The following WDFY3 variants were observed in gnomAD, a reference collection of about 807,000 sequenced individuals.
WDFY3 encodes the protein WD repeat and FYVE domain containing 3.
A neutral mutation model predicts 409.6 loss-of-function variants in WDFY3; 66 were observed. The ratio of observed to expected loss-of-function variants is 0.16; its 90% CI spans 0.13 to 0.20. The LOEUF is 0.20. Among genes scored for constraint, WDFY3 ranks in the 10% least tolerant of loss-of-function variants. The pLI is 1.00. For missense variants in WDFY3, 3,031 were observed against 4,298.1 expected, an observed-to-expected ratio of 0.71 and a Z score of 8.24; for synonymous variants, 1,521 against 1,537.1, an observed-to-expected ratio of 0.99 and a Z score of 0.25.
Position 84,921,930 on chromosome 4 carries a change from C to A in WDFY3, c.-132+10340G>T, listed in dbSNP as rs538709847. ...TTGGCCTCCCAAAGTGCTGGGATCA[C>A]AGACATGAGCCACCGCACCTGGCCT... On this transcript the variant is annotated intron_variant, in intron 2 of 67. Coordinates refer to ENST00000295888, the MANE Select transcript of WDFY3 (RefSeq NM_014991.6). Among the ~76,000 whole-genome samples the A allele has an allele frequency of 2.6e-5, 4 of 151,962 alleles. No homozygotes were observed. In the East Asian group the frequency reaches 7.7e-4, roughly 29 times the overall value.
At chr4:84,856,798 A>G (rs1418874550) in intron 4 of WDFY3, among the ~76,000 whole-genome samples, 1 of 152,174 alleles carries the variant, frequency 6.6e-6, no homozygotes, top group Non-Finnish European at 1.5e-5. Flanking sequence ...CAAAGTCTCA[A>G]AAATCAACAC....
intron 2 of WDFY3, among the ~76,000 whole-genome samples, chr4:84,917,246 A>G (rs972787230): frequency 1.3e-5 from 2 of 152,300 alleles, no homozygotes; most frequent in Non-Finnish European, 1.5e-5. Flanking sequence ...CAGAAGCCTA[A>G]AAGAGGTCAG....
At chr4:84,887,058 C>T (rs936092447) in intron 3 of WDFY3, among the ~76,000 whole-genome samples, 1 of 152,122 alleles carries the variant, frequency 6.6e-6, no homozygotes, top group Non-Finnish European at 1.5e-5. Context: ...TGGTACATAT[C>T]AACAACCTGG....
intron 2 of WDFY3, among the ~76,000 whole-genome samples, chr4:84,929,910 TAA>T (rs75325995): frequency 2.9e-5 from 4 of 140,236 alleles, no homozygotes; most frequent in Admixed American, 7.2e-5. Context: ...AAACTTCGCT[TAA>T]AAAAAAAAAA....
chr4:84,765,413 T>C (rs1376306999), intron 32 of WDFY3, among the ~76,000 whole-genome samples: 3 of 152,200 alleles, frequency 2.0e-5, no homozygotes, highest in Non-Finnish European at 1.5e-5. Context: ...CATTTGCACC[T>C]CACAGAGTTA....
intron 10 of WDFY3, among the ~76,000 whole-genome samples, chr4:84,824,868 A>T (rs1482915328): frequency 6.6e-6 from 1 of 152,198 alleles, no homozygotes. Flanking sequence ...GAAACAGAAA[A>T]TTTTGAGTTA....
intron 46 of WDFY3, among the ~76,000 whole-genome samples, chr4:84,722,726 C>A (rs1735044422): frequency 6.6e-6 from 1 of 152,152 alleles, no homozygotes; most frequent in Non-Finnish European, 1.5e-5. Flanking sequence ...AATTAATATT[C>A]TTTGTGCCAT....
At chr4:84,699,742 T>C (rs747988648) in intron 56 of WDFY3, among the ~76,000 whole-genome samples, 1 of 152,120 alleles carries the variant, frequency 6.6e-6, no homozygotes, top group Non-Finnish European at 1.5e-5. Context: ...CACCCCATTA[T>C]GGTCATCCTA....
intron 1 of WDFY3, among the ~76,000 whole-genome samples, chr4:84,955,985 G>GA (rs1012585890): frequency 1.0e-4 from 15 of 149,838 alleles, no homozygotes; most frequent in Non-Finnish European, 1.5e-4. Flanking sequence ...GTTGTCCTTT[G>GA]AAAAAAAAAT....
At chr4:84,885,155 C>T (rs2150438832) in intron 3 of WDFY3, among the ~76,000 whole-genome samples, 1 of 152,094 alleles carries the variant, frequency 6.6e-6, no homozygotes, top group Admixed American at 6.5e-5. Context: ...CGTGCACCAC[C>T]ATGCCTGGCT....
intron 21 of WDFY3, among the ~76,000 whole-genome samples, chr4:84,792,587 G>A (rs535053925): frequency 6.6e-6 from 1 of 152,228 alleles, no homozygotes; most frequent in South Asian, 2.1e-4. Context: ...ATCTTAATGG[G>A]TTACAGCTGT....
At chr4:84,939,463 A>G (rs1174744691) in intron 1 of WDFY3, among the ~76,000 whole-genome samples, 1 of 152,128 alleles carries the variant, frequency 6.6e-6, no homozygotes, top group African/African-American at 2.4e-5. Context: ...TTTCTCCCTC[A>G]TTTAGTTATG....
In WDFY3 at chr4:84,831,475, C is replaced by T. The variant is rs768682823; in HGVS notation, c.707G>A (p.Gly236Glu). 1 of 1,614,020 alleles carries T rather than the reference C, an allele frequency of 6.2e-7. No individual in the cohort carries two copies. The highest frequency in any genetic ancestry group is 8.5e-7 in the Non-Finnish European group (1 of 1,179,980). Residue 236 changes from glycine (G) to glutamate (E), a missense_variant, in exon 8 of 68, where the codon GGA (glycine) becomes GAA (glutamate). Coordinates refer to ENST00000295888, the MANE Select transcript of WDFY3 (RefSeq NM_014991.6). Reference protein sequence around the residue: ...PYNLPWRKSAGEVLMTISRHG... With the variant: ...PYNLPWRKSAEEVLMTISRHG... ...ACGAGATATGGTCATGAGGACTTCT[C>T]CAGCACTCTTTCTCCAAGGCAGGTT...
intron 32 of WDFY3, among the ~76,000 whole-genome samples, chr4:84,762,636 T>C (rs1742864741): frequency 6.6e-6 from 1 of 152,108 alleles, no homozygotes; most frequent in Non-Finnish European, 1.5e-5. Flanking sequence ...AGTCACAATG[T>C]GGCATAAGTG....
chr4:84,712,403 C>CAAA (rs1733069664), intron 51 of WDFY3, among the ~76,000 whole-genome samples: 1 of 134,794 alleles, frequency 7.4e-6, no homozygotes, highest in African/African-American at 2.8e-5. Flanking sequence ...AAAGAAGAAT[C>CAAA]ACATTTCCAG....
At position 84,721,595 on chromosome 4, in the gene WDFY3, G is replaced by T. The variant is rs896349784; in HGVS notation, c.7442-23C>A. 1.0e-5 allele frequency: 16 copies of T among 1,599,834 alleles called. No individual in the cohort carries two copies. In the East Asian group the frequency reaches 3.6e-4, roughly 36 times the overall value. On this transcript the variant is annotated intron_variant, in intron 46 of 67. Coordinates refer to ENST00000295888, the MANE Select transcript of WDFY3 (RefSeq NM_014991.6). ...AACCTACAGTATAATAACCAAGAGG[G>T]CCATGTGGCATTGTAAGGACCTTGT...
Position 84,692,923 on chromosome 4 carries a change from T to C in WDFY3, c.9011A>G (p.His3004Arg). The change falls in exon 59 of 68, where the codon CAT (histidine) becomes CGT (arginine). Residue 3004 changes from histidine to arginine, a missense_variant. Transcript: ENST00000295888. ...TAGAGAAGGCCTCAAGTTGTCTAGA[T>C]GATGAAAAAAGATCTTGTCACTTGT... ...GSTSDKIFFHHLDNLRPSLTP... is the reference protein window; with the variant it reads ...GSTSDKIFFHRLDNLRPSLTP... 6.2e-7 allele frequency: 1 copy of C among 1,613,134 alleles called. No homozygotes were observed. Among genetic ancestry groups the C allele is most frequent in the South Asian group, 1.1e-5 (1 of 90,694 alleles).
chr4:84,722,519 G>C (rs1735014015), intron 46 of WDFY3, among the ~76,000 whole-genome samples: 2 of 152,054 alleles, frequency 1.3e-5, no homozygotes, highest in South Asian at 4.1e-4. Flanking sequence ...CAAAATACCA[G>C]GTCAGAAAGA....
At chr4:84,786,653 G>A (rs892113015) in intron 23 of WDFY3, among the ~76,000 whole-genome samples, 4 of 152,148 alleles carry the variant, frequency 2.6e-5, no homozygotes, top group African/African-American at 9.7e-5. Flanking sequence ...CGACCTATAT[G>A]TCTTTGTGCC....
Sources: allele counts gnomAD v4.1 joint callset (sites outside exome capture counted in the v4.1 genomes callset), GRCh38; gene constraint gnomAD v4.1.1; transcripts MANE v1.5; gene names NCBI Gene and HGNC (gene_info 2026-07-23, HGNC 2026-07-21).